The following PLPP4 variants were observed in gnomAD, a reference collection of about 807,000 sequenced individuals.
PLPP4 encodes the protein diacylglycerol pyrophosphate like 2.
A neutral mutation model predicts 32.2 loss-of-function variants in PLPP4; 20 were observed. The observed-to-expected ratio is 0.62, with a 90% CI of 0.44 to 0.90. The LOEUF (loss-of-function observed/expected upper bound fraction) is 0.90, where lower values mean the gene tolerates loss of function less well. Ranked by LOEUF, PLPP4 falls within the 40% of genes least tolerant of loss-of-function variation. The pLI, the probability that PLPP4 is intolerant of heterozygous loss-of-function variation, is 0.00. For synonymous variants in PLPP4, 127 were observed against 133.0 expected (o/e 0.95, Z 0.31); for missense variants, 257 against 353.1 (o/e 0.73, Z 2.18).
rs1477717291 is a variant in PLPP4 at position 120,518,839 on chromosome 10, C to G, written c.263C>G (p.Ser88Cys). 1 of 1,612,016 alleles carries G rather than the reference C, an allele frequency of 6.2e-7. No homozygotes were observed. The highest frequency in any genetic ancestry group is 8.5e-7 in the Non-Finnish European group (1 of 1,179,000). Residue 88 changes from serine (S) to cysteine (C), a missense_variant, in exon 4 of 7, where the codon TCC becomes TGC. By Grantham distance (112) the Ser-to-Cys change is moderately radical. Coordinates refer to ENST00000398250, the MANE Select transcript of PLPP4 (RefSeq NM_001030059.3). The part of the protein sequence containing the change: ...TEIKEAFLAV[S>C]LALALNGVCT... Reference sequence around the variant, plus strand: ...TGTTGGTTTTGTTTTGTAGCGGTGTCCTTGGCTCTTGCTTTGAATGGAGTC... The same window carrying G: ...TGTTGGTTTTGTTTTGTAGCGGTGTGCTTGGCTCTTGCTTTGAATGGAGTC...
At chr10:120,524,386 T>C (rs1781837738) in intron 5 of PLPP4, among the ~76,000 whole-genome samples, 1 of 152,172 alleles carries the variant, frequency 6.6e-6, no homozygotes, top group Non-Finnish European at 1.5e-5. Flanking sequence ...TTTCATAGGC[T>C]GGACTTGAGT....
At chr10:120,473,505 T>C (rs1446608711) in intron 1 of PLPP4, among the ~76,000 whole-genome samples, 1 of 152,134 alleles carries the variant, frequency 6.6e-6, no homozygotes, top group African/African-American at 2.4e-5. Flanking sequence ...GTTCTTGTAG[T>C]CTTTTTCTGC....
chr10:120,505,512 T>C (rs1845452259), intron 2 of PLPP4, among the ~76,000 whole-genome samples: 1 of 152,174 alleles, frequency 6.6e-6, no homozygotes, highest in South Asian at 2.1e-4. Context: ...CCGGGAACAT[T>C]TTTGTATTTT....
chr10:120,547,535 T>C (rs575179707), intron 5 of PLPP4, among the ~76,000 whole-genome samples: 17 of 152,226 alleles, frequency 1.1e-4, no homozygotes, highest in Non-Finnish European at 2.4e-4. Flanking sequence ...GCTGCATTCA[T>C]CAAAGTGTTG....
At chr10:120,491,819 C>A (rs901790338) in intron 1 of PLPP4, among the ~76,000 whole-genome samples, 10 of 135,804 alleles carry the variant, frequency 7.4e-5, no homozygotes, top group Admixed American at 6.4e-4. Flanking sequence ...CTAAGAACAA[C>A]AACAACAAAA....
chr10:120,512,428 C>A (rs4501913), intron 2 of PLPP4, among the ~76,000 whole-genome samples: 1 of 152,202 alleles, frequency 6.6e-6, no homozygotes, highest in South Asian at 2.1e-4. Context: ...ACTACCACTT[C>A]TGGTCAGAAA....
intron 5 of PLPP4, among the ~76,000 whole-genome samples, chr10:120,535,159 AAT>A (rs1846956503): frequency 6.6e-6 from 1 of 152,196 alleles, no homozygotes; most frequent in Non-Finnish European, 1.5e-5. Context: ...TTTTCCCCAC[AAT>A]ATGAGACCTG....
chr10:120,472,812 A>T (rs1589722747), intron 1 of PLPP4, among the ~76,000 whole-genome samples: 1 of 152,224 alleles, frequency 6.6e-6, no homozygotes, highest in African/African-American at 2.4e-5. Flanking sequence ...TCAGTTTAAG[A>T]TAATTTCTAT....
chr10:120,574,806 A>G (rs1439388053), intron 5 of PLPP4, among the ~76,000 whole-genome samples: 3 of 152,230 alleles, frequency 2.0e-5, no homozygotes, highest in Non-Finnish European at 4.4e-5. Context: ...TTGACTCCAG[A>G]GATAGTATCT....
intron 1 of PLPP4, among the ~76,000 whole-genome samples, chr10:120,460,991 C>T (rs949405572): frequency 6.6e-6 from 1 of 152,166 alleles, no homozygotes; most frequent in East Asian, 1.9e-4. Flanking sequence ...CCCCAGGCTT[C>T]CAGACTGGTG....
intron 5 of PLPP4, among the ~76,000 whole-genome samples, chr10:120,558,528 G>A (rs772627309): frequency 1.3e-5 from 2 of 150,382 alleles, no homozygotes; most frequent in African/African-American, 4.9e-5. Flanking sequence ...CTATTCTCCT[G>A]CCTGAGCCTC....
chr10:120,557,133 G>A (rs976625174), intron 5 of PLPP4, among the ~76,000 whole-genome samples: 1 of 152,118 alleles, frequency 6.6e-6, no homozygotes, highest in Non-Finnish European at 1.5e-5. Flanking sequence ...GCTGACCATC[G>A]TAACAAATGG....
At chr10:120,553,177 T>C (rs539956939) in intron 5 of PLPP4, among the ~76,000 whole-genome samples, 5 of 152,326 alleles carry the variant, frequency 3.3e-5, no homozygotes, top group South Asian at 2.1e-4. Flanking sequence ...TCAGTTACCA[T>C]TGGTTATTGG....
chr10:120,557,694 G>A (rs1019030561), intron 5 of PLPP4, among the ~76,000 whole-genome samples: 4 of 152,224 alleles, frequency 2.6e-5, no homozygotes, highest in African/African-American at 7.2e-5. Context: ...TGCTGCAGTC[G>A]GCATGCATAG....
chr10:120,492,318 C>G (rs1201523721), intron 1 of PLPP4, among the ~76,000 whole-genome samples: 3 of 152,258 alleles, frequency 2.0e-5, no homozygotes, highest in Non-Finnish European at 4.4e-5. Flanking sequence ...AATAGTTGCA[C>G]TAAACATTTG....
At chr10:120,523,095 A>G (rs1213287122) in intron 5 of PLPP4, among the ~76,000 whole-genome samples, 1 of 152,198 alleles carries the variant, frequency 6.6e-6, no homozygotes, top group African/African-American at 2.4e-5. Context: ...CAGGAGATGA[A>G]GACCATCCTG....
At chr10:120,585,212 A>G (rs555542425) in intron 6 of PLPP4, among the ~76,000 whole-genome samples, 26 of 152,368 alleles carry the variant, frequency 1.7e-4, no homozygotes, top group African/African-American at 5.5e-4. Context: ...GACACATTTT[A>G]TAGGCTGGTG....
chr10:120,506,680 C>G (rs1219830591), intron 2 of PLPP4, among the ~76,000 whole-genome samples: 3 of 152,124 alleles, frequency 2.0e-5, no homozygotes, highest in African/African-American at 4.8e-5. Flanking sequence ...TTTAGAGGAG[C>G]CAATTCGGCA....
At chr10:120,498,706 G>A (rs559386156) in intron 1 of PLPP4, among the ~76,000 whole-genome samples, 1 of 150,874 alleles carries the variant, frequency 6.6e-6, no homozygotes, top group East Asian at 1.9e-4. Context: ...TGTCACCCAG[G>A]CTGGAGTGCA....
Sources: gnomAD v4.1 joint callset for allele counts (sites outside exome capture counted in the v4.1 genomes callset) on GRCh38, gnomAD v4.1.1 for gene constraint, MANE v1.5 for transcripts, NCBI Gene and HGNC (gene_info 2026-07-23, HGNC 2026-07-21) for gene names.